Variants in CTNNA2 observed in about 807,000 individuals in gnomAD.
CTNNA2 encodes catenin alpha 2.
In CTNNA2, 42 loss-of-function variants were observed where a neutral mutation model predicts 101.0. That is an observed-to-expected ratio of 0.42 (90% CI 0.32 to 0.54). The LOEUF (loss-of-function observed/expected upper bound fraction) is 0.54, where lower values mean the gene tolerates loss of function less well. Among genes scored for constraint, CTNNA2 ranks in the 20% least tolerant of loss-of-function variants. The pLI is 0.14. For missense variants in CTNNA2, 871 were observed against 1,223.1 expected (o/e 0.71, Z 4.29); for synonymous variants, 450 against 456.4 (o/e 0.99, Z 0.18).
At chr2:79,550,652 C>T (rs1454038252) in intron 1 of CTNNA2, among the ~76,000 whole-genome samples, 1 of 152,154 alleles carries the variant, frequency 6.6e-6, no homozygotes. Context: ...TTATTCTTTC[C>T]TTTATTCTTT....
chr2:80,074,220 T>G (rs1698536368), intron 7 of CTNNA2, among the ~76,000 whole-genome samples: 1 of 152,050 alleles, frequency 6.6e-6, no homozygotes, highest in Non-Finnish European at 1.5e-5. Context: ...AAAACAACTG[T>G]GCTCATCAAA....
At chr2:79,233,054 T>C (rs1674515892) in intron 2 of CTNNA2, among the ~76,000 whole-genome samples, 1 of 151,810 alleles carries the variant, frequency 6.6e-6, no homozygotes, top group South Asian at 2.1e-4. Flanking sequence ...TCAGTTTCTT[T>C]TAGTTGTTCT....
intron 3 of CTNNA2, among the ~76,000 whole-genome samples, chr2:79,827,185 C>T (rs1392168218): frequency 1.3e-5 from 2 of 151,940 alleles, no homozygotes; most frequent in South Asian, 2.1e-4. Context: ...ATTACAGGCG[C>T]CCGCCACCAC....
chr2:79,294,711 G>C (rs1221399559), intron 2 of CTNNA2, among the ~76,000 whole-genome samples: 2 of 151,822 alleles, frequency 1.3e-5, no homozygotes, highest in Admixed American at 6.6e-5. Flanking sequence ...TTTTCTTATT[G>C]TTTTGAAACC....
intron 8 of CTNNA2, among the ~76,000 whole-genome samples, chr2:80,401,416 T>C (rs889345447): frequency 1.3e-4 from 20 of 152,308 alleles, no homozygotes; most frequent in Admixed American, 5.2e-4. Context: ...CCATGATTAA[T>C]GAGGATACCC....
chr2:80,313,465 C>T, intron 7 of CTNNA2: 1 of 1,523,630 alleles, frequency 6.6e-7, no homozygotes, highest in Non-Finnish European at 8.8e-7. Context: ...CAATATTATT[C>T]ATGCTATGGC....
intron 3 of CTNNA2, among the ~76,000 whole-genome samples, chr2:79,808,697 C>A (rs1439739476): frequency 1.3e-5 from 2 of 152,086 alleles, no homozygotes; most frequent in African/African-American, 4.8e-5. Context: ...TTAAGCATTA[C>A]ATTTAGATTT....
intron 6 of CTNNA2, among the ~76,000 whole-genome samples, chr2:79,908,764 T>C (rs1274619589): frequency 1.3e-5 from 2 of 152,176 alleles, no homozygotes; most frequent in Non-Finnish European, 2.9e-5. Context: ...TGTAATTCAC[T>C]AGTTTATGTC....
At chr2:80,578,271 AAT>A in intron 13 of CTNNA2, among the ~76,000 whole-genome samples, 1 of 151,798 alleles carries the variant, frequency 6.6e-6, no homozygotes, top group Non-Finnish European at 1.5e-5. Flanking sequence ...GTAGACTTTA[AAT>A]AGTTTCTGTT....
chr2:79,983,967 C>T (rs1474360656), intron 7 of CTNNA2, among the ~76,000 whole-genome samples: 4 of 152,064 alleles, frequency 2.6e-5, no homozygotes, highest in East Asian at 3.9e-4. Flanking sequence ...ACAACCTATA[C>T]TGGAGTGATT....
chr2:80,295,365 C>T (rs576631592), intron 7 of CTNNA2, among the ~76,000 whole-genome samples: 1 of 152,212 alleles, frequency 6.6e-6, no homozygotes, highest in African/African-American at 2.4e-5. Flanking sequence ...ATTCTCCCAC[C>T]CATACATGCC....
chr2:80,090,328 A>G (rs1048535965), intron 7 of CTNNA2, among the ~76,000 whole-genome samples: 1 of 151,966 alleles, frequency 6.6e-6, no homozygotes, highest in Admixed American at 6.6e-5. Flanking sequence ...GGTCAAGAAG[A>G]CATGACTGAA....
intron 18 of CTNNA2, among the ~76,000 whole-genome samples, chr2:80,640,628 C>T (rs2149854159): frequency 6.6e-6 from 1 of 152,304 alleles, no homozygotes; most frequent in African/African-American, 2.4e-5. Flanking sequence ...AAACATGTCA[C>T]AGTTTCTAAG....
chr2:79,210,088 T>TTTTGTGTGTGTGTGTGTGTGTGTG (rs112984318), intron 2 of CTNNA2, among the ~76,000 whole-genome samples: 6,631 of 144,784 alleles, frequency 0.046, 338 homozygotes, highest in African/African-American at 0.1. Context: ...TCAAGCTATA[T>TTTTGTGTGTGTGTGTGTGTGTGTG]TGTGTGTGTG....
At chr2:80,199,270 G>A (rs1287445659) in intron 7 of CTNNA2, among the ~76,000 whole-genome samples, 2 of 149,970 alleles carry the variant, frequency 1.3e-5, no homozygotes, top group Non-Finnish European at 3.0e-5. Flanking sequence ...AAAATTCAAG[G>A]CAATCACTGC....
chr2:80,205,132 A>G (rs545562877), intron 7 of CTNNA2, among the ~76,000 whole-genome samples: 35 of 152,328 alleles, frequency 2.3e-4, no homozygotes, highest in African/African-American at 6.5e-4. Flanking sequence ...AGCCTTAACC[A>G]TATCATACAC....
intron 9 of CTNNA2, among the ~76,000 whole-genome samples, chr2:80,485,808 A>G (rs549829105): frequency 6.6e-6 from 1 of 152,338 alleles, no homozygotes; most frequent in South Asian, 2.1e-4. Flanking sequence ...CAATTTAAAC[A>G]TACATCAGCC....
intron 6 of CTNNA2, among the ~76,000 whole-genome samples, chr2:79,884,910 T>C (rs1683732370): frequency 6.6e-6 from 1 of 152,116 alleles, no homozygotes; most frequent in African/African-American, 2.4e-5. Flanking sequence ...GAATTGTATG[T>C]AGGCTAACTG....
At chr2:80,574,442 T>A in intron 13 of CTNNA2, 128 bp downstream of exon 13, 1 of 1,133,656 alleles carries the variant, frequency 8.8e-7, no homozygotes, top group Non-Finnish European at 1.2e-6. Flanking sequence ...GGCTCCTTAT[T>A]AGTCAGACAA....
Sources: gnomAD v4.1 joint callset for allele counts (sites outside exome capture counted in the v4.1 genomes callset) on GRCh38, gnomAD v4.1.1 for gene constraint, MANE v1.5 for transcripts, NCBI Gene and HGNC (gene_info 2026-07-23, HGNC 2026-07-21) for gene names.